LHFPL2: variants seen among roughly 807,000 people sequenced by gnomAD.
LHFPL2 encodes LHFPL tetraspan subfamily member 2.
A neutral mutation model predicts 17.5 loss-of-function variants in LHFPL2; 7 were observed. That is an observed-to-expected ratio of 0.40 (90% confidence interval 0.23 to 0.75). The LOEUF (loss-of-function observed/expected upper bound fraction) is 0.75, where lower values mean the gene tolerates loss of function less well. Among genes scored for constraint, LHFPL2 ranks in the 30% least tolerant of loss-of-function variants. The pLI is 0.37. For synonymous variants in LHFPL2, 134 were observed against 116.2 expected (o/e 1.15, Z -0.99); for missense variants, 241 against 294.8 (o/e 0.82, Z 1.34).
chr5:78,609,254 C>T (rs1744328230), intron 2 of LHFPL2, among the ~76,000 whole-genome samples: 1 of 151,838 alleles, frequency 6.6e-6, no homozygotes, highest in South Asian at 2.1e-4. Flanking sequence ...AGTTCTAGAC[C>T]AGCCTGCCCA....
rs540888007 is a variant in LHFPL2 at position 78,582,050 on chromosome 5, A to T, written c.-244-17179T>A. Among the ~76,000 whole-genome samples, 850 of 152,244 alleles carry T rather than the reference A, an allele frequency of 5.6e-3. 10 individuals carry two copies. Among genetic ancestry groups the T allele is most frequent in the African/African-American group, 0.02 (816 of 41,558 alleles). ...GTATGTGTCAAGGAATTTATCCATTACTTCTAGATTTTCTGGTTTATTTGC... is the reference window on the plus strand; with the variant it reads ...GTATGTGTCAAGGAATTTATCCATTTCTTCTAGATTTTCTGGTTTATTTGC... On this transcript the variant is annotated intron_variant, in intron 2 of 4. Transcript: ENST00000380345.
intron 3 of LHFPL2, among the ~76,000 whole-genome samples, chr5:78,559,527 T>C (rs1756668330): frequency 6.6e-6 from 1 of 152,158 alleles, no homozygotes. Flanking sequence ...AAAGATACAT[T>C]GTCAACATGC....
chr5:78,605,954 A>G (rs1323391350), intron 2 of LHFPL2, among the ~76,000 whole-genome samples: 5 of 152,220 alleles, frequency 3.3e-5, no homozygotes, highest in Admixed American at 6.5e-5. Context: ...GCCACACTCA[A>G]TAACACATTT....
intron 2 of LHFPL2, among the ~76,000 whole-genome samples, chr5:78,585,299 G>T (rs146747150): frequency 0.06 from 3,949 of 66,230 alleles, 980 homozygotes; most frequent in African/African-American, 0.17. Context: ...GAGCCACCGC[G>T]CCCGGCCTGG....
chr5:78,500,054 G>A (rs1754727713), intron 4 of LHFPL2, among the ~76,000 whole-genome samples: 1 of 150,086 alleles, frequency 6.7e-6, no homozygotes, highest in African/African-American at 2.5e-5. Flanking sequence ...ATAATCAACT[G>A]ACGACTTAGT....
chr5:78,528,157 T>C (rs1019416224), intron 3 of LHFPL2, among the ~76,000 whole-genome samples: 1 of 152,238 alleles, frequency 6.6e-6, no homozygotes, highest in Non-Finnish European at 1.5e-5. Context: ...GTACCTGCTA[T>C]GGGCTTCCAA....
rs1554053275 is a variant in LHFPL2 at position 78,527,370 on chromosome 5, T to TTG, written c.-185-16973_-185-16972insCA. ...TCTTAATGCTGATGAGGAGTTTTTT[T>TTG]TTTTTTTTTTTTTTTTCCAAAAGTT... On this transcript the variant is annotated intron_variant, in intron 3 of 4. Transcript: ENST00000380345. 2.2e-3 allele frequency among the ~76,000 whole-genome samples: 321 copies of TTG among 147,926 alleles called. 3 individuals are homozygous for TTG. The highest frequency in any genetic ancestry group is 7.6e-3 in the African/African-American group (301 of 39,678).
intron 2 of LHFPL2, among the ~76,000 whole-genome samples, chr5:78,600,381 T>C (rs1478769052): frequency 6.6e-6 from 1 of 152,048 alleles, no homozygotes. Flanking sequence ...AATTACAGCC[T>C]GGCTCAAAAG....
intron 2 of LHFPL2, among the ~76,000 whole-genome samples, chr5:78,584,619 C>G (rs989408636): frequency 3.9e-5 from 6 of 152,172 alleles, no homozygotes; most frequent in Admixed American, 6.5e-5. Context: ...CAGGGACCCA[C>G]TTGAGGAGGC....
intron 3 of LHFPL2, among the ~76,000 whole-genome samples, chr5:78,513,779 C>G (rs546514754): frequency 5.3e-5 from 8 of 152,340 alleles, no homozygotes; most frequent in Admixed American, 3.3e-4. Flanking sequence ...GTAAGACATG[C>G]CTTTCACCTT....
At chr5:78,589,091 G>T (rs1452004403) in intron 2 of LHFPL2, among the ~76,000 whole-genome samples, 1 of 152,138 alleles carries the variant, frequency 6.6e-6, no homozygotes, top group South Asian at 2.1e-4. Flanking sequence ...TCAAAGTCAG[G>T]CCTGGATGAC....
chr5:78,588,416 C>G lies in LHFPL2; in HGVS notation c.-244-23545G>C, dbSNP rs138173394. 7.0e-3 allele frequency among the ~76,000 whole-genome samples: 1,073 copies of G among 152,284 alleles called. 14 individuals are homozygous for G. The highest frequency in any genetic ancestry group is 0.025 in the African/African-American group (1,020 of 41,546). On this transcript the variant is annotated intron_variant, in intron 2 of 4. Coordinates refer to ENST00000380345, the MANE Select transcript of LHFPL2 (RefSeq NM_005779.3). ...CTATCTTTCATTCTATAAACACTCA[C>G]AAGAGTCAAGTGGAAAAAGTTCTTG...
intron 4 of LHFPL2, among the ~76,000 whole-genome samples, chr5:78,503,824 ATATTATT>A (rs1216133047): frequency 1.3e-5 from 2 of 151,964 alleles, no homozygotes; most frequent in Non-Finnish European, 2.9e-5. Flanking sequence ...TTCCCTTTAT[ATATTATT>A]TATTTTATAT....
At chr5:78,504,523 C>G (rs1388756737) in intron 4 of LHFPL2, among the ~76,000 whole-genome samples, 1 of 152,014 alleles carries the variant, frequency 6.6e-6, no homozygotes, top group East Asian at 1.9e-4. Context: ...GATTTTTTAC[C>G]CTGTGTAAAA....
chr5:78,580,747 T>A (rs914418076), intron 2 of LHFPL2, among the ~76,000 whole-genome samples: 3 of 152,214 alleles, frequency 2.0e-5, no homozygotes, highest in Non-Finnish European at 4.4e-5. Context: ...TTGGTTACTG[T>A]AGCCTTGTAG....
chr5:78,585,447 T>C (rs1743348300), intron 2 of LHFPL2, among the ~76,000 whole-genome samples: 5 of 152,190 alleles, frequency 3.3e-5, no homozygotes, highest in Admixed American at 1.3e-4. Context: ...AGTGAGGCAA[T>C]GCCTCGCCCT....
chr5:78,508,981 T>C (rs978813800), intron 4 of LHFPL2, among the ~76,000 whole-genome samples: 9 of 152,220 alleles, frequency 5.9e-5, no homozygotes, highest in African/African-American at 1.4e-4. Context: ...GTTACCCCAT[T>C]GGTTCAGGAC....
At chr5:78,619,818 C>T (rs1744775093) in intron 2 of LHFPL2, among the ~76,000 whole-genome samples, 1 of 102,074 alleles carries the variant, frequency 9.8e-6, no homozygotes, top group Non-Finnish European at 2.1e-5. Flanking sequence ...ATCCATGTCC[C>T]TACAAAGGAC....
At chr5:78,541,470 A>T (rs1294256829) in intron 3 of LHFPL2, among the ~76,000 whole-genome samples, 1 of 152,198 alleles carries the variant, frequency 6.6e-6, no homozygotes, top group Non-Finnish European at 1.5e-5. Flanking sequence ...CGCACAGCCC[A>T]CTTGCTAAAG....
Sources: allele counts gnomAD v4.1 joint callset (sites outside exome capture counted in the v4.1 genomes callset), GRCh38; gene constraint gnomAD v4.1.1; transcripts MANE v1.5; gene names NCBI Gene and HGNC (gene_info 2026-07-23, HGNC 2026-07-21).